Variants in INTU observed in about 807,000 individuals in gnomAD.
INTU encodes the protein inturned planar cell polarity protein.
In INTU, 68 loss-of-function variants were observed where a neutral mutation model predicts 100.5. That is an observed-to-expected ratio of 0.68 (90% confidence interval 0.56 to 0.83). The LOEUF is 0.83. Among genes scored for constraint, INTU ranks in the 40% least tolerant of loss-of-function variants. The pLI, the probability that INTU is intolerant of heterozygous loss-of-function variation, is 0.00. For synonymous variants in INTU, 357 were observed against 395.7 expected (o/e 0.90, Z 1.16); for missense variants, 1,071 against 1,114.7 (o/e 0.96, Z 0.56).
intron 12 of INTU, among the ~76,000 whole-genome samples, chr4:127,707,468 C>T (rs565998346): frequency 1.4e-5 from 2 of 141,436 alleles, no homozygotes; most frequent in African/African-American, 5.2e-5. Flanking sequence ...ATCTGTTTAA[C>T]AGTACTTAGA....
At chr4:127,679,648 G>A (rs1473306798) in intron 6 of INTU, among the ~76,000 whole-genome samples, 4 of 151,924 alleles carry the variant, frequency 2.6e-5, no homozygotes, top group Non-Finnish European at 5.9e-5. Context: ...ACAAGAGAAA[G>A]CAGGAAAGAT....
intron 6 of INTU, among the ~76,000 whole-genome samples, chr4:127,678,608 A>G (rs1027573874): frequency 1.2e-4 from 18 of 152,212 alleles, no homozygotes; most frequent in African/African-American, 4.1e-4. Flanking sequence ...GAAGCACTAA[A>G]CATGGAAAGG....
intron 7 of INTU, chr4:127,685,391 A>G (rs1414100078): frequency 6.6e-6 from 3 of 453,328 alleles, no homozygotes; most frequent in South Asian, 3.1e-5. Flanking sequence ...CCATAGTGAT[A>G]TCAGCTCTCT....
At chr4:127,701,428 A>G (rs1332350199) in intron 9 of INTU, among the ~76,000 whole-genome samples, 2 of 152,194 alleles carry the variant, frequency 1.3e-5, no homozygotes, top group Admixed American at 6.5e-5. Context: ...AACGAATCTC[A>G]TAGATGAGGC....
chr4:127,667,067 A>G (rs1442407452), intron 4 of INTU, among the ~76,000 whole-genome samples: 1 of 152,210 alleles, frequency 6.6e-6, no homozygotes, highest in Non-Finnish European at 1.5e-5. Flanking sequence ...TTTTTAAAAC[A>G]AATGAAATAT....
intron 7 of INTU, 122 bp downstream of exon 7, chr4:127,684,608 C>T (rs1729729829): frequency 9.0e-6 from 5 of 552,676 alleles, no homozygotes; most frequent in South Asian, 2.6e-5. Flanking sequence ...TCCCTCCCCT[C>T]TTTCCTCCTC....
intron 2 of INTU, among the ~76,000 whole-genome samples, chr4:127,656,087 A>G (rs1317057120): frequency 2.6e-5 from 4 of 152,100 alleles, no homozygotes; most frequent in South Asian, 2.1e-4. Context: ...TGGCTTGCAC[A>G]CGGTGTGCGC....
intron 13 of INTU, 32 bp downstream of exon 13, chr4:127,708,700 A>G (rs1477427842): frequency 8.5e-7 from 1 of 1,177,470 alleles, no homozygotes; most frequent in Non-Finnish European, 1.2e-6. Context: ...GTTCACTTAA[A>G]CTCAGGAAGT....
chr4:127,663,343 C>T, intron 3 of INTU, 38 bp from the exon 4 acceptor site: 1 of 1,510,988 alleles, frequency 6.6e-7, no homozygotes, highest in Non-Finnish European at 9.1e-7. Flanking sequence ...CTGATTTTCC[C>T]TTGTCGAAAA....
rs1286856231 is a variant in INTU, at chr4:127,718,500, G to GT, written c.*2070dup. 24 of 152,182 alleles carry GT rather than the reference G, an allele frequency of 1.6e-4. No homozygotes were observed. Among genetic ancestry groups the GT allele is most frequent in the Non-Finnish European group, 2.2e-4 (15 of 68,014 alleles). The allele number at this position is 152,182 out of a possible 1,614,324, so 9.4% of individuals were successfully genotyped here. ...TTGGTTCCATATAAATTTTAAAATA[G>GT]TTTTTTCTAATTCTATGAAGAATAT... is the stretch of plus-strand genomic sequence containing the variant. On this transcript the variant is annotated 3_prime_UTR_variant, in exon 16 of 16. Transcript: ENST00000335251.
chr4:127,653,355 AT>A (rs1318825692), intron 2 of INTU, among the ~76,000 whole-genome samples: 18 of 136,970 alleles, frequency 1.3e-4, no homozygotes, highest in African/African-American at 5.1e-4. Context: ...TCTTGTGGGC[AT>A]TTAGTGCTAT....
In INTU at chr4:127,643,604, G is replaced by T. The variant is rs1328072480; in HGVS notation, c.230G>T (p.Ser77Ile). 6.2e-6 allele frequency: 10 copies of T among 1,613,292 alleles called. No individual in the cohort carries two copies. Among genetic ancestry groups the T allele is most frequent in the Non-Finnish European group, 8.5e-6 (10 of 1,179,812 alleles). Reference protein sequence around the residue: ...YLELSEDEEESLLPETPTVNH... With the variant: ...YLELSEDEEEILLPETPTVNH... ...GAATTGAGTGAGGATGAAGAAGAAA[G>T]CCTCCTTCCTGAGACACCAACTGTG... The change falls in exon 2 of 16, where the codon AGC becomes ATC. Residue 77 changes from serine to isoleucine, a missense_variant. Physicochemically the swap from Ser to Ile is moderately radical, Grantham distance 142 (BLOSUM62 -2). Transcript: ENST00000335251.
chr4:127,669,145 A>T lies in INTU; in HGVS notation c.1082A>T (p.Gln361Leu). Residue 361 changes from glutamine (Q) to leucine (L), a missense_variant, in exon 5 of 16, where the codon CAA becomes CTA. By Grantham distance (113) the Gln-to-Leu change is moderately radical (BLOSUM62 -2). Transcript: ENST00000335251. ...ATGCTGGAAAACGTAACTGGGACACAAGTTACTAGGTAATAATTTTTATTT... is the reference window on the plus strand; with the variant it reads ...ATGCTGGAAAACGTAACTGGGACACTAGTTACTAGGTAATAATTTTTATTT... ...CDMLENVTGT[Q>L]VTSSSLLLNG... 1 of 1,448,600 alleles carries T rather than the reference A, an allele frequency of 6.9e-7. No homozygotes were observed. 89.7% of individuals were successfully genotyped at this position (1,448,600 alleles called of 1,614,324 possible).
rs1289739640 is a variant in INTU at position 127,653,396 on chromosome 4, C to T, written c.683-3240C>T. ...TTCCCTCTACACACTGCTTTGAATG[C>T]GTCCCAGAGATTCTGGTATGTTGTG... On this transcript the variant is annotated intron_variant, in intron 2 of 15. Transcript: ENST00000335251. Among the ~76,000 whole-genome samples, 509 of 139,954 alleles carry T rather than the reference C, an allele frequency of 3.6e-3. 2 individuals carry two copies. The highest frequency in any genetic ancestry group is 0.012 in the African/African-American group (444 of 37,040). The allele number at this position is 139,954 out of a possible 152,430, so 91.8% of individuals were successfully genotyped here.
intron 5 of INTU, among the ~76,000 whole-genome samples, chr4:127,671,746 T>C (rs905439967): frequency 4.0e-4 from 61 of 151,648 alleles, no homozygotes; most frequent in Middle Eastern, 3.4e-3. Flanking sequence ...ATAAAGAAAA[T>C]GTGGTGTATG....
intron 10 of INTU, among the ~76,000 whole-genome samples, chr4:127,704,846 G>GT (rs1425220474): frequency 6.6e-6 from 1 of 151,996 alleles, no homozygotes; most frequent in African/African-American, 2.4e-5. Context: ...CCATCACTTT[G>GT]GGGGGCCGAG....
chr4:127,690,188 A>G (rs1453863835), intron 8 of INTU, among the ~76,000 whole-genome samples: 2 of 152,190 alleles, frequency 1.3e-5, no homozygotes, highest in East Asian at 3.8e-4. Flanking sequence ...TGTGAAGGCT[A>G]CCTCTTTTTC....
chr4:127,644,367 G>A (rs1029621955), intron 2 of INTU, among the ~76,000 whole-genome samples: 5 of 152,120 alleles, frequency 3.3e-5, no homozygotes, highest in Middle Eastern at 3.2e-3. Flanking sequence ...GAAAAAAAAC[G>A]TTGATCATAG....
chr4:127,655,122 A>G (rs1002064455), intron 2 of INTU, among the ~76,000 whole-genome samples: 1 of 151,918 alleles, frequency 6.6e-6, no homozygotes, highest in Non-Finnish European at 1.5e-5. Flanking sequence ...TTATACATTC[A>G]TCTAAATTTT....
Sources: allele counts gnomAD v4.1 joint callset (sites outside exome capture counted in the v4.1 genomes callset), GRCh38; gene constraint gnomAD v4.1.1; transcripts MANE v1.5; gene names NCBI Gene and HGNC (gene_info 2026-07-23, HGNC 2026-07-21).